The following FGF14 variants were observed in gnomAD, a reference collection of about 807,000 sequenced individuals.
FGF14 encodes the protein fibroblast growth factor 14, also known as fibroblast growth factor homologous factor 4.
In FGF14, 5 loss-of-function variants were observed where a neutral mutation model predicts 25.5. The observed-to-expected ratio is 0.20, with a 90% CI of 0.10 to 0.41. The LOEUF (loss-of-function observed/expected upper bound fraction) is 0.41. Ranked by LOEUF, FGF14 falls within the 10% of genes least tolerant of loss-of-function variation. FGF14 has a pLI of 1.00. For synonymous variants in FGF14, 138 were observed against 118.3 expected (o/e 1.17, Z -1.08); for missense variants, 222 against 320.1 (o/e 0.69, Z 2.34).
At chr13:102,261,702 GA>G (rs1207511273) in intron 1 of FGF14, among the ~76,000 whole-genome samples, 4 of 152,130 alleles carry the variant, frequency 2.6e-5, no homozygotes, top group Non-Finnish European at 5.9e-5. Context: ...CACATTCCTA[GA>G]ATTCAAATTA....
rs2034651639 is a variant in FGF14 at position 101,715,055 on chromosome 13, A to G, written c.*7776T>C. The G allele has an allele frequency of 6.1e-6, 1 of 163,732 alleles. No individual in the cohort carries two copies. 10.1% of individuals were successfully genotyped at this position (163,732 alleles called of 1,614,324 possible). On this transcript the variant is annotated 3_prime_UTR_variant, in exon 5 of 5. Transcript: ENST00000376143. ...AGTCCTCATAATTGGTTATAAATTC[A>G]TTTGTTTAGCCAAGTTACGAGGAAA...
intron 1 of FGF14, among the ~76,000 whole-genome samples, chr13:102,266,108 C>A (rs778299696): frequency 2.6e-5 from 4 of 152,040 alleles, no homozygotes; most frequent in Admixed American, 1.3e-4. Context: ...TTAACCAAGA[C>A]GCAGATTTCT....
At chr13:102,252,356 T>C (rs2052222351) in intron 1 of FGF14, among the ~76,000 whole-genome samples, 3 of 152,160 alleles carry the variant, frequency 2.0e-5, no homozygotes. Context: ...TAAGCTTCAA[T>C]TCCCTCATCA....
At chr13:102,211,891 T>C (rs1278219142) in intron 1 of FGF14, among the ~76,000 whole-genome samples, 1 of 152,240 alleles carries the variant, frequency 6.6e-6, no homozygotes, top group African/African-American at 2.4e-5. Context: ...CTAAAGCTTC[T>C]TGGTTCAATT....
chr13:101,721,891 A>AGAT lies in FGF14; in HGVS notation c.*937_*939dup, dbSNP rs777720618. The AGAT allele has an allele frequency of 1.2e-4, 18 of 151,488 alleles. No individual in the cohort carries two copies. In the East Asian group the frequency reaches 1.6e-3, roughly 13 times the overall value. The allele number at this position is 151,488 out of a possible 1,614,324, so 9.4% of individuals were successfully genotyped here. A position where few individuals can be genotyped will look rare whatever the true frequency, so the allele number is the denominator to read the frequency against. On this transcript the variant is annotated 3_prime_UTR_variant, in exon 5 of 5. Transcript: ENST00000376143. ...TTTTTTCCAAATAATGAGAATTAAT[A>AGAT]GATGAAAAATGAACCTTAATCAGGC... is the stretch of plus-strand genomic sequence containing the variant.
At chr13:101,731,181 G>A (rs1290088711) in intron 3 of FGF14, among the ~76,000 whole-genome samples, 1 of 152,094 alleles carries the variant, frequency 6.6e-6, no homozygotes, top group African/African-American at 2.4e-5. Context: ...ATTGATAGTT[G>A]CTATACAGTT....
At chr13:102,131,339 T>C (rs1353636276) in intron 1 of FGF14, among the ~76,000 whole-genome samples, 1 of 152,244 alleles carries the variant, frequency 6.6e-6, no homozygotes, top group African/African-American at 2.4e-5. Context: ...TTTCAACTGA[T>C]GCTTTTTATA....
intron 1 of FGF14, among the ~76,000 whole-genome samples, chr13:101,927,759 T>G (rs2034466587): frequency 6.6e-6 from 1 of 152,132 alleles, no homozygotes; most frequent in Admixed American, 6.5e-5. Flanking sequence ...GGATCATTTC[T>G]TTGACTCCTA....
intron 1 of FGF14, among the ~76,000 whole-genome samples, chr13:102,344,865 G>GA (rs2057057443): frequency 6.6e-6 from 1 of 152,218 alleles, no homozygotes; most frequent in Admixed American, 6.5e-5. Context: ...CAAAGGTATG[G>GA]AGCAGCATTG....
chr13:101,740,874 C>A (rs1052698523), intron 3 of FGF14, among the ~76,000 whole-genome samples: 2 of 152,004 alleles, frequency 1.3e-5, no homozygotes, highest in Admixed American at 6.5e-5. Context: ...ATTCCTATAA[C>A]AAAGACAAAC....
chr13:101,897,419 T>G (rs904146620), intron 1 of FGF14, among the ~76,000 whole-genome samples: 2 of 152,172 alleles, frequency 1.3e-5, no homozygotes, highest in Non-Finnish European at 2.9e-5. Context: ...AGCATCACAA[T>G]GAACCACAGG....
At chr13:102,050,451 C>T (rs994380057) in intron 1 of FGF14, among the ~76,000 whole-genome samples, 4 of 152,156 alleles carry the variant, frequency 2.6e-5, no homozygotes, top group African/African-American at 7.2e-5. Flanking sequence ...AAACGTTGAA[C>T]ACCTAGCACC....
intron 3 of FGF14, among the ~76,000 whole-genome samples, chr13:101,791,790 TA>T (rs11320422): frequency 0.45 from 68,997 of 151,958 alleles, 17,492 homozygotes; most frequent in Middle Eastern, 0.58. Flanking sequence ...AAAATGTGTC[TA>T]AAAAATTTGT....
At chr13:101,781,122 C>T (rs185433892) in intron 3 of FGF14, among the ~76,000 whole-genome samples, 1 of 130,930 alleles carries the variant, frequency 7.6e-6, no homozygotes, top group African/African-American at 2.8e-5. Context: ...TCCCCCTGCT[C>T]TCTCTTTGTC....
chr13:101,993,974 AT>A (rs2139687948), intron 1 of FGF14, among the ~76,000 whole-genome samples: 1 of 152,136 alleles, frequency 6.6e-6, no homozygotes, highest in South Asian at 2.1e-4. Context: ...GAAAATATAA[AT>A]ATAGGTTGGC....
In FGF14 at chr13:102,081,247, G is replaced by C. The variant is rs1359023785; in HGVS notation, c.209-205951C>G. Among the ~76,000 whole-genome samples, 3 of 152,232 alleles carry C rather than the reference G, an allele frequency of 2.0e-5. No individual in the cohort carries two copies. In the East Asian group the frequency reaches 5.8e-4, roughly 29 times the overall value. On this transcript the variant is annotated intron_variant, in intron 1 of 4. Transcript: ENST00000376131. ...AGCATAATCCTTAAACCAAGTAAAAGAGAGAATTGCATCATCTTGCCTTTG... is the reference window on the plus strand; with the variant it reads ...AGCATAATCCTTAAACCAAGTAAAACAGAGAATTGCATCATCTTGCCTTTG...
intron 1 of FGF14, among the ~76,000 whole-genome samples, chr13:102,326,693 G>GGGA (rs2056445744): frequency 1.8e-3 from 54 of 29,388 alleles, no homozygotes; most frequent in Non-Finnish European, 2.1e-3. Flanking sequence ...GGGAAGGGAA[G>GGGA]GGAAGGAAGG....
intron 1 of FGF14, among the ~76,000 whole-genome samples, chr13:101,978,907 G>A (rs542608576): frequency 4.8e-4 from 73 of 152,282 alleles, no homozygotes; most frequent in African/African-American, 1.7e-3. Context: ...ACAAAGTGAC[G>A]GAGACTTTCC....
intron 4 of FGF14, 61 bp downstream of exon 4, chr13:101,726,551 C>G: frequency 6.7e-7 from 1 of 1,495,406 alleles, no homozygotes; most frequent in Non-Finnish European, 9.3e-7. Flanking sequence ...GTAGACCTAT[C>G]AATTTGAAAA....
Sources: allele counts gnomAD v4.1 joint callset (sites outside exome capture counted in the v4.1 genomes callset), GRCh38; gene constraint gnomAD v4.1.1; transcripts MANE v1.5; gene names NCBI Gene and HGNC (gene_info 2026-07-23, HGNC 2026-07-21).